The following LIPA variants were observed in gnomAD, a reference collection of about 807,000 sequenced individuals.
The protein encoded by LIPA is lipase A, lysosomal acid type, also known as lysosomal acid lipase/cholesteryl ester hydrolase.
A neutral mutation model predicts 40.6 loss-of-function variants in LIPA; 26 were observed. That is an observed-to-expected ratio of 0.64 (90% CI 0.47 to 0.89). The LOEUF (loss-of-function observed/expected upper bound fraction) is 0.89, where lower values mean the gene tolerates loss of function less well. Ranked by LOEUF, LIPA falls within the 40% of genes least tolerant of loss-of-function variation. LIPA has a pLI of 0.00. For missense variants in LIPA, 455 were observed against 479.6 expected, an observed-to-expected ratio of 0.95 and a Z score of 0.48; for synonymous variants, 188 against 168.4, an observed-to-expected ratio of 1.12 and a Z score of -0.90.
chr10:89,384,641 T>C, intron 2 of LIPA: 1 of 1,614,230 alleles, frequency 6.2e-7, no homozygotes, highest in Non-Finnish European at 8.5e-7. Flanking sequence ...GTCAGCCTCC[T>C]TGGGCTTATC....
chr10:89,339,685 T>C (rs1258893642), intron 1 of LIPA: 2 of 1,614,104 alleles, frequency 1.2e-6, no homozygotes, highest in African/African-American at 1.3e-5. Flanking sequence ...GACGGAATGT[T>C]ATCAGACACC....
At chr10:89,268,920 A>G (rs1235220830) in intron 1 of LIPA, among the ~76,000 whole-genome samples, 1 of 151,022 alleles carries the variant, frequency 6.6e-6, no homozygotes. Context: ...TGGGAGGCGG[A>G]GCTTGCAGTG....
chr10:89,295,901 A>C (rs1164504977), intron 1 of LIPA, among the ~76,000 whole-genome samples: 3 of 152,246 alleles, frequency 2.0e-5, no homozygotes, highest in African/African-American at 7.2e-5. Flanking sequence ...CAGCTACTAA[A>C]TCAGCTGATG....
At chr10:89,216,837 T>G (rs1396782785) in intron 8 of LIPA, among the ~76,000 whole-genome samples, 1 of 152,162 alleles carries the variant, frequency 6.6e-6, no homozygotes, top group Admixed American at 6.5e-5. Flanking sequence ...CTTGTCTAGT[T>G]ATATTAGTCA....
At chr10:89,389,715 A>G (rs1844232137) in intron 2 of LIPA, among the ~76,000 whole-genome samples, 1 of 152,236 alleles carries the variant, frequency 6.6e-6, no homozygotes, top group Non-Finnish European at 1.5e-5. Flanking sequence ...TACACTCAGA[A>G]TAACATTCTT....
intron 1 of LIPA, among the ~76,000 whole-genome samples, chr10:89,265,412 C>T (rs1026459455): frequency 1.6e-4 from 24 of 152,174 alleles, no homozygotes; most frequent in African/African-American, 1.7e-4. Context: ...CTGGCGTCTT[C>T]GCAGAGGCCA....
At chr10:89,218,861 G>A (rs1374719219) in intron 8 of LIPA, among the ~76,000 whole-genome samples, 4 of 152,120 alleles carry the variant, frequency 2.6e-5, no homozygotes, top group Middle Eastern at 3.2e-3. Flanking sequence ...GTATTTTGGG[G>A]TCTCTAATAC....
intron 1 of LIPA, chr10:89,306,224 GA>G (rs756465693): frequency 6.2e-7 from 1 of 1,614,146 alleles, no homozygotes; most frequent in Non-Finnish European, 8.5e-7. Flanking sequence ...TGACCAGGCA[GA>G]AATCAGAAGT....
chr10:89,344,503 G>A (rs1843900222), upstream of LIPA, among the ~76,000 whole-genome samples: 1 of 152,024 alleles, frequency 6.6e-6, no homozygotes, highest in South Asian at 2.1e-4. Context: ...CCTGTTTTTG[G>A]CTTTGGCCCT....
chr10:89,384,469 C>T (rs145630026), intron 2 of LIPA: 21 of 1,613,992 alleles, frequency 1.3e-5, no homozygotes, highest in South Asian at 9.9e-5. Context: ...CCACTACGGC[C>T]GTTTCCAAGA....
chr10:89,339,817 A>G (rs765397233), intron 1 of LIPA: 3 of 1,614,238 alleles, frequency 1.9e-6, no homozygotes, highest in Non-Finnish European at 2.5e-6. Context: ...GGGTTTGTCC[A>G]TAAGCAAAAA....
At chr10:89,232,432 G>A (rs1842853376) in intron 3 of LIPA, among the ~76,000 whole-genome samples, 1 of 152,236 alleles carries the variant, frequency 6.6e-6, no homozygotes. Context: ...TCTTCCCTCA[G>A]GATGGAGAGT....
intron 2 of LIPA, chr10:89,403,180 T>G (rs1421637308): frequency 6.8e-6 from 11 of 1,613,694 alleles, no homozygotes; most frequent in Non-Finnish European, 8.5e-6. Context: ...ATGATCCAAA[T>G]CAAGGAGGCT....
At chr10:89,332,396 T>C (rs1281981222) in intron 1 of LIPA, 3 of 1,045,186 alleles carry the variant, frequency 2.9e-6, no homozygotes, top group Non-Finnish European at 3.9e-6. Context: ...GTCTGGAACA[T>C]GTTCCTGGCG....
chr10:89,285,057 A>G (rs1589588532), intron 1 of LIPA: 2 of 152,486 alleles, frequency 1.3e-5, no homozygotes, highest in South Asian at 2.1e-4. Context: ...CCAGGTGATT[A>G]AAAAGCTTTA....
intron 2 of LIPA, among the ~76,000 whole-genome samples, chr10:89,364,137 A>G (rs1844042572): frequency 6.6e-6 from 1 of 152,246 alleles, no homozygotes; most frequent in South Asian, 2.1e-4. Flanking sequence ...CACACATCGC[A>G]TCATCAGCTC....
chr10:89,259,554 A>C (rs532028633), intron 1 of LIPA, among the ~76,000 whole-genome samples: 25 of 152,236 alleles, frequency 1.6e-4, no homozygotes, highest in South Asian at 4.1e-4. Flanking sequence ...TTAAGTATTT[A>C]CTCAAGAGAA....
intron 2 of LIPA, among the ~76,000 whole-genome samples, chr10:89,396,527 C>A (rs908896071): frequency 2.6e-5 from 4 of 152,124 alleles, no homozygotes; most frequent in African/African-American, 9.7e-5. Flanking sequence ...TCCATTCCCC[C>A]AAGAACCAAT....
At chr10:89,409,455 C>T (rs1024726426) in intron 2 of LIPA, among the ~76,000 whole-genome samples, 3 of 152,182 alleles carry the variant, frequency 2.0e-5, no homozygotes, top group African/African-American at 7.2e-5. Context: ...CCCCCTCACC[C>T]ATGTCCACTA....
Sources: gnomAD v4.1 joint callset for allele counts (sites outside exome capture counted in the v4.1 genomes callset) on GRCh38, gnomAD v4.1.1 for gene constraint, MANE v1.5 for transcripts, NCBI Gene and HGNC (gene_info 2026-07-23, HGNC 2026-07-21) for gene names.